Variants in GABRA5 observed in about 807,000 individuals in gnomAD.
GABRA5 encodes gamma-aminobutyric acid type A receptor subunit alpha5.
A neutral mutation model predicts 47.3 loss-of-function variants in GABRA5; 18 were observed. That is an observed-to-expected ratio of 0.38 (90% CI 0.26 to 0.56). The LOEUF (loss-of-function observed/expected upper bound fraction) is 0.56, where lower values mean the gene tolerates loss of function less well. Among genes scored for constraint, GABRA5 ranks in the 20% least tolerant of loss-of-function variants. The pLI is 0.71. For synonymous variants in GABRA5, 237 were observed against 229.3 expected (o/e 1.03, Z -0.30); for missense variants, 365 against 599.3 (o/e 0.61, Z 4.08).
At chr15:26,929,370 A>G (rs1032243726) in intron 7 of GABRA5, among the ~76,000 whole-genome samples, 2 of 152,170 alleles carry the variant, frequency 1.3e-5, no homozygotes, top group African/African-American at 4.8e-5. Context: ...ATCAGACCTT[A>G]AAGCTTCAGA....
At chr15:26,903,664 A>G (rs1893376408) in intron 6 of GABRA5, among the ~76,000 whole-genome samples, 1 of 151,968 alleles carries the variant, frequency 6.6e-6, no homozygotes. Flanking sequence ...GTGTGAGATG[A>G]TGTCTCATTG....
At chr15:26,881,955 C>A (rs996526207) in intron 4 of GABRA5, among the ~76,000 whole-genome samples, 13 of 152,206 alleles carry the variant, frequency 8.5e-5, no homozygotes, top group African/African-American at 2.4e-4. Context: ...CCACCTCGGC[C>A]TCCCAAAGTG....
intron 7 of GABRA5, among the ~76,000 whole-genome samples, chr15:26,929,031 TG>T (rs886889713): frequency 1.6e-4 from 24 of 150,282 alleles, no homozygotes. Flanking sequence ...ATATGAATTT[TG>T]GGGGGGACAC....
At chr15:26,914,337 A>G (rs1243544202) in intron 6 of GABRA5, among the ~76,000 whole-genome samples, 1 of 152,222 alleles carries the variant, frequency 6.6e-6, no homozygotes, top group Non-Finnish European at 1.5e-5. Context: ...GTGAAATAGT[A>G]GATATTTGTA....
intron 3 of GABRA5, among the ~76,000 whole-genome samples, chr15:26,875,871 G>T (rs1892584961): frequency 6.6e-6 from 1 of 152,138 alleles, no homozygotes. Context: ...ATGTGATAAT[G>T]ATGTGACTTA....
At chr15:26,947,577 G>T (rs928040419) in intron 10 of GABRA5, among the ~76,000 whole-genome samples, 1 of 152,146 alleles carries the variant, frequency 6.6e-6, no homozygotes, top group Non-Finnish European at 1.5e-5. Context: ...ATTCCATGGT[G>T]TATATGTACC....
intron 10 of GABRA5, among the ~76,000 whole-genome samples, chr15:26,945,497 TGCAG>T (rs1894489077): frequency 6.6e-6 from 1 of 152,190 alleles, no homozygotes; most frequent in Non-Finnish European, 1.5e-5. Context: ...CGAACCATGA[TGCAG>T]GCCCAGCAAA....
intron 6 of GABRA5, among the ~76,000 whole-genome samples, chr15:26,901,301 T>A (rs1473243716): frequency 6.6e-6 from 1 of 152,198 alleles, no homozygotes; most frequent in African/African-American, 2.4e-5. Flanking sequence ...TTTCTCTTGC[T>A]CCACATCCTC....
chr15:26,925,859 C>T (rs1595427215), intron 7 of GABRA5, among the ~76,000 whole-genome samples: 1 of 152,336 alleles, frequency 6.6e-6, no homozygotes, highest in South Asian at 2.1e-4. Flanking sequence ...TTGTGGCAGG[C>T]AAGCCCTGAA....
intron 6 of GABRA5, among the ~76,000 whole-genome samples, chr15:26,887,763 T>A (rs533952544): frequency 5.3e-5 from 8 of 152,176 alleles, no homozygotes; most frequent in Admixed American, 3.9e-4. Flanking sequence ...ATATATATAT[T>A]TTTAAATTCC....
In GABRA5 at chr15:26,946,233, A is replaced by T. The variant is rs143002196; in HGVS notation, c.1090-1701A>T. Reference sequence around the variant, plus strand: ...ACTCTCTTGTGTTTTTCAAGTTTTAATTAATGAGACTATATTACTTTAGTA... The same window carrying T: ...ACTCTCTTGTGTTTTTCAAGTTTTATTTAATGAGACTATATTACTTTAGTA... On this transcript the variant is annotated intron_variant, in intron 10 of 10. Transcript: ENST00000335625. Among the ~76,000 whole-genome samples the T allele has an allele frequency of 4.1e-4, 63 of 152,254 alleles. No homozygotes were observed. The East Asian group carries it at 9.3e-3, about 22-fold the overall frequency.
chr15:26,937,847 T>A (rs1894284473), intron 8 of GABRA5, among the ~76,000 whole-genome samples: 1 of 152,134 alleles, frequency 6.6e-6, no homozygotes, highest in Non-Finnish European at 1.5e-5. Flanking sequence ...TGACACAAAG[T>A]TGGTGGGGAA....
At chr15:26,871,085 T>G (rs992552941) in intron 3 of GABRA5, among the ~76,000 whole-genome samples, 1 of 152,046 alleles carries the variant, frequency 6.6e-6, no homozygotes, top group South Asian at 2.1e-4. Context: ...TCCCAGCCAC[T>G]TGGGAGGCTG....
chr15:26,914,172 A>G (rs2140294158), intron 6 of GABRA5, among the ~76,000 whole-genome samples: 1 of 152,270 alleles, frequency 6.6e-6, no homozygotes, highest in Admixed American at 6.5e-5. Context: ...TTAAAAAATA[A>G]TAATTAGGGT....
intron 7 of GABRA5, among the ~76,000 whole-genome samples, chr15:26,935,860 G>C (rs1416705747): frequency 1.3e-5 from 2 of 152,172 alleles, no homozygotes; most frequent in African/African-American, 2.4e-5. Context: ...CGGCTGATGA[G>C]GGCAGCATTG....
intron 10 of GABRA5, among the ~76,000 whole-genome samples, chr15:26,947,084 G>T (rs1894529018): frequency 6.6e-6 from 1 of 152,160 alleles, no homozygotes; most frequent in Non-Finnish European, 1.5e-5. Flanking sequence ...ACATCTTAGG[G>T]CTTCCCTTAT....
chr15:26,892,287 T>G (rs1190202071), intron 6 of GABRA5, among the ~76,000 whole-genome samples: 2 of 152,218 alleles, frequency 1.3e-5, no homozygotes, highest in East Asian at 3.9e-4. Flanking sequence ...TTCCCAGCAG[T>G]GGGTAGCCGG....
At chr15:26,906,039 G>A (rs1012290768) in intron 6 of GABRA5, among the ~76,000 whole-genome samples, 2 of 151,766 alleles carry the variant, frequency 1.3e-5, no homozygotes, top group African/African-American at 2.4e-5. Flanking sequence ...TTTCTTTGAT[G>A]TATTTTATTT....
At chr15:26,939,868 G>T in intron 8 of GABRA5, 57 bp from the exon 9 acceptor site, 1 of 1,587,388 alleles carries the variant, frequency 6.3e-7, no homozygotes, top group South Asian at 1.1e-5. Flanking sequence ...TGAACTCCTT[G>T]GATGCAGCAA....
Sources: allele counts gnomAD v4.1 joint callset (sites outside exome capture counted in the v4.1 genomes callset), GRCh38; gene constraint gnomAD v4.1.1; transcripts MANE v1.5; gene names NCBI Gene and HGNC (gene_info 2026-07-23, HGNC 2026-07-21).